WNK1: variants seen among roughly 807,000 people sequenced by gnomAD.
WNK1 encodes the protein WNK lysine deficient protein kinase 1, also known as serine/threonine-protein kinase WNK1.
Under a neutral mutation model 222.8 loss-of-function variants are expected in WNK1, and 38 were observed. The observed-to-expected ratio is 0.17, with a 90% CI of 0.13 to 0.22. The LOEUF is 0.22. WNK1 is among the 10% of genes least tolerant of loss of function. WNK1 has a pLI of 1.00. For missense variants in WNK1, 2,348 were observed against 2,918.4 expected (o/e 0.80, Z 4.50); for synonymous variants, 1,090 against 1,092.9 (o/e 1.00, Z 0.05).
chr12:867,120 C>CA (rs1022761424), intron 8 of WNK1, among the ~76,000 whole-genome samples: 8 of 150,260 alleles, frequency 5.3e-5, no homozygotes, highest in South Asian at 2.1e-4. Context: ...GACTCCATCT[C>CA]AAAAAAAAGA....
At chr12:854,356 T>TTTC (rs2154058281) in intron 4 of WNK1, among the ~76,000 whole-genome samples, 1 of 12,508 alleles carries the variant, frequency 8.0e-5, no homozygotes, top group Non-Finnish European at 1.7e-4. Flanking sequence ...TATCATTATC[T>TTTC]TTTTTTTTTT....
In WNK1 at chr12:907,798, A is replaced by G. The variant is rs1306601409; in HGVS notation, c.6644-49A>G. On this transcript the variant is annotated intron_variant, in intron 26 of 27. Transcript: ENST00000315939. Reference sequence around the variant, plus strand: ...CCGTGAAGTTTTCCCTCTTCCTGAAATTGTAACCTAGGCTTCTTTTAATGC... The same window carrying G: ...CCGTGAAGTTTTCCCTCTTCCTGAAGTTGTAACCTAGGCTTCTTTTAATGC... 2.5e-6 allele frequency: 4 copies of G among 1,609,282 alleles called. No individual in the cohort carries two copies. The Admixed American group carries it at 6.7e-5, about 27-fold the overall frequency.
chr12:868,439 G>A (rs1268949224), intron 8 of WNK1: 1 of 1,613,896 alleles, frequency 6.2e-7, no homozygotes, highest in East Asian at 2.2e-5. Context: ...ATCTGGACAG[G>A]CTTTCCTGGT....
intron 19 of WNK1, among the ~76,000 whole-genome samples, chr12:886,291 A>G (rs1270806181): frequency 6.6e-6 from 1 of 152,144 alleles, no homozygotes; most frequent in Non-Finnish European, 1.5e-5. Context: ...TTTTAGGGTT[A>G]ATTATGCTGC....
intron 9 of WNK1, among the ~76,000 whole-genome samples, chr12:876,647 G>C (rs558755471): frequency 6.6e-6 from 1 of 152,072 alleles, no homozygotes; most frequent in Admixed American, 6.5e-5. Context: ...CCAATTAGTC[G>C]TATGGGTATA....
At chr12:822,369 A>G (rs1304005874) in intron 2 of WNK1, among the ~76,000 whole-genome samples, 1 of 152,186 alleles carries the variant, frequency 6.6e-6, no homozygotes, top group African/African-American at 2.4e-5. Context: ...CTGGGATTAC[A>G]GGCGTAAGCC....
At chr12:894,816 A>G (rs1565600856) in intron 23 of WNK1, among the ~76,000 whole-genome samples, 181 bp downstream of exon 23, 1 of 152,174 alleles carries the variant, frequency 6.6e-6, no homozygotes, top group Non-Finnish European at 1.5e-5. Flanking sequence ...AAAATATAGA[A>G]ATACTTAGAA....
intron 26 of WNK1, among the ~76,000 whole-genome samples, chr12:904,196 T>C (rs1955510161): frequency 6.6e-6 from 1 of 152,218 alleles, no homozygotes; most frequent in South Asian, 2.1e-4. Context: ...CATTACTCTT[T>C]TAGATACAAA....
In WNK1 at chr12:801,426, TGTG is replaced by T. The variant is rs1233588427; in HGVS notation, c.760-12215_760-12213del. On this transcript the variant is annotated intron_variant, in intron 1 of 27. Transcript: ENST00000315939. ...TCCCAATATAACCTTTTTTTCTTTG[TGTG>T]TGTGTGTGTGTGTGTGTGTGTGTGT... Among the ~76,000 whole-genome samples the T allele has an allele frequency of 4.6e-3, 141 of 30,472 alleles. 2 individuals carry two copies. The highest frequency in any genetic ancestry group is 0.032 in the South Asian group (35 of 1,088). The allele number at this position is 30,472 out of a possible 152,430, so 20.0% of individuals were successfully genotyped here. A position where few individuals can be genotyped will look rare whatever the true frequency, so the allele number is the denominator to read the frequency against.
intron 9 of WNK1, among the ~76,000 whole-genome samples, chr12:871,948 TTC>T (rs1490866930): frequency 6.6e-6 from 1 of 152,178 alleles, no homozygotes; most frequent in African/African-American, 2.4e-5. Flanking sequence ...GTCATTCCTT[TTC>T]TCTTTTTTTC....
chr12:883,595 C>G, intron 16 of WNK1, 27 bp downstream of exon 16: 1 of 1,613,912 alleles, frequency 6.2e-7, no homozygotes, highest in Non-Finnish European at 8.5e-7. Context: ...CATAGTGAAA[C>G]TTTGTTGATT....
At chr12:851,769 AT>A in intron 4 of WNK1, 1 of 1,345,740 alleles carries the variant, frequency 7.4e-7, no homozygotes, top group Non-Finnish European at 9.8e-7. Flanking sequence ...CCTCAAAAGG[AT>A]TGTATAAATG....
chr12:768,253 A>C (rs1223746309), intron 1 of WNK1, among the ~76,000 whole-genome samples: 1 of 152,114 alleles, frequency 6.6e-6, no homozygotes, highest in Non-Finnish European at 1.5e-5. Context: ...ATCGTTCCTC[A>C]ACCTCCCAAG....
intron 1 of WNK1, among the ~76,000 whole-genome samples, chr12:769,481 T>C (rs138993855): frequency 0.019 from 2,952 of 152,282 alleles, 105 homozygotes; most frequent in Admixed American, 0.097. Flanking sequence ...GGATTACAGG[T>C]GTGGGCCACA....
chr12:838,167 T>C (rs1949350284), intron 4 of WNK1, among the ~76,000 whole-genome samples: 1 of 152,088 alleles, frequency 6.6e-6, no homozygotes, highest in African/African-American at 2.4e-5. Context: ...GGACTGTTCC[T>C]ACCATTGGCT....
chr12:894,491 T>A (rs1353269365), intron 22 of WNK1, 71 bp from the exon 23 acceptor site: 4 of 1,346,982 alleles, frequency 3.0e-6, no homozygotes, highest in Non-Finnish European at 4.3e-6. Context: ...TTGCTGTATT[T>A]CTAGCTAAAG....
rs1955679271 is a variant in WNK1 at position 906,142 on chromosome 12, AC to A, written c.6644-1700del. ...AGCAGGATAACGCATGCACTTACTT[AC>A]CCCCGCATTACTTGGGTACCTTAAG... On this transcript the variant is annotated intron_variant, in intron 26 of 27. Transcript: ENST00000315939. Among the ~76,000 whole-genome samples the A allele has an allele frequency of 2.0e-5, 3 of 151,986 alleles. No homozygotes were observed. The South Asian group carries it at 6.2e-4, about 32-fold the overall frequency.
chr12:787,273 A>G (rs1195704300), intron 1 of WNK1, among the ~76,000 whole-genome samples: 1 of 152,102 alleles, frequency 6.6e-6, no homozygotes, highest in Non-Finnish European at 1.5e-5. Flanking sequence ...TTTTATTGTA[A>G]TCCTCTTGTG....
At position 862,203 on chromosome 12, in the gene WNK1, C is replaced by A; in HGVS notation, c.2072C>A (p.Pro691Gln). The A allele has an allele frequency of 1.2e-6, 2 of 1,614,022 alleles. No homozygotes were observed. The highest frequency in any genetic ancestry group is 1.7e-6 in the Non-Finnish European group (2 of 1,179,970). Reference sequence around the variant, plus strand: ...CAGGCACATTCTACAGGCACAGTCCCAGGGCATATACCTTCTACTGTCCAA... The same window carrying A: ...CAGGCACATTCTACAGGCACAGTCCAAGGGCATATACCTTCTACTGTCCAA... Reference protein sequence around the residue: ...HEQAHSTGTVPGHIPSTVQAQ... With the variant: ...HEQAHSTGTVQGHIPSTVQAQ... Residue 691 changes from proline to glutamine, a missense_variant, in exon 8 of 28, where the codon CCA (proline) becomes CAA (glutamine). Around this residue, in one of 13 missense-constraint regions of WNK1, gnomAD observed 547 missense variants for 558.3 expected, o/e 0.98. Transcript: ENST00000315939.
Sources: allele counts gnomAD v4.1 joint callset (sites outside exome capture counted in the v4.1 genomes callset), GRCh38; gene constraint gnomAD v4.1.1; regional missense constraint gnomAD v4.1.1; transcripts MANE v1.5; gene names NCBI Gene and HGNC (gene_info 2026-07-23, HGNC 2026-07-21).